The following UNC13C variants were observed in gnomAD, a reference collection of about 807,000 sequenced individuals.
UNC13C encodes the protein unc-13 homolog C, also known as protein unc-13 homolog C.
In UNC13C, 174 loss-of-function variants were observed where a neutral mutation model predicts 245.4. The observed-to-expected ratio is 0.71, with a 90% CI of 0.63 to 0.80. The LOEUF (loss-of-function observed/expected upper bound fraction) is 0.80. Among genes scored for constraint, UNC13C ranks in the 30% least tolerant of loss-of-function variants. UNC13C has a pLI of 0.00. For synonymous variants in UNC13C, 992 were observed against 895.1 expected, an observed-to-expected ratio of 1.11 and a Z score of -1.93; for missense variants, 2,829 against 2,602.9, an observed-to-expected ratio of 1.09 and a Z score of -1.89.
chr15:53,967,888 A>T, the UNC13C span: 1 of 152,064 alleles, frequency 6.6e-6, no homozygotes, highest in Non-Finnish European at 1.5e-5. Flanking sequence ...GTATCTGTAG[A>T]TTCTGTAGTC....
intron 1 of UNC13C, among the ~76,000 whole-genome samples, chr15:53,987,104 T>G (rs1023386232): frequency 1.3e-5 from 2 of 152,058 alleles, no homozygotes; most frequent in Non-Finnish European, 2.9e-5. Context: ...TTCTCTTTAG[T>G]GTTTTCTACA....
chr15:54,281,749 G>C (rs1162971571), intron 10 of UNC13C, among the ~76,000 whole-genome samples: 2 of 152,176 alleles, frequency 1.3e-5, no homozygotes, highest in Admixed American at 6.5e-5. Flanking sequence ...ACAGTATTAT[G>C]AGGTAGGTAT....
At chr15:54,023,146 G>A (rs1394242877) in intron 2 of UNC13C, among the ~76,000 whole-genome samples, 1 of 152,190 alleles carries the variant, frequency 6.6e-6, no homozygotes, top group Non-Finnish European at 1.5e-5. Flanking sequence ...ATAGCTTTGG[G>A]AAGAAGGTAC....
At chr15:54,065,053 C>G (rs1347609815) in intron 2 of UNC13C, among the ~76,000 whole-genome samples, 1 of 152,236 alleles carries the variant, frequency 6.6e-6, no homozygotes, top group East Asian at 1.9e-4. Flanking sequence ...GAGCCAATAT[C>G]TAGATCTCCA....
At chr15:53,858,935 T>C in the UNC13C span, among the ~76,000 whole-genome samples, 1 of 148,636 alleles carries the variant, frequency 6.7e-6, no homozygotes, top group Non-Finnish European at 1.5e-5. Context: ...CATAGATATA[T>C]TTTACTTGAT....
chr15:53,951,379 C>T, the UNC13C span, among the ~76,000 whole-genome samples: 1 of 152,174 alleles, frequency 6.6e-6, no homozygotes, highest in Non-Finnish European at 1.5e-5. Flanking sequence ...AATAATCAAG[C>T]CATTTTTTGG....
intron 18 of UNC13C, among the ~76,000 whole-genome samples, chr15:54,396,964 C>A (rs1380305797): frequency 6.6e-6 from 1 of 150,874 alleles, no homozygotes; most frequent in Non-Finnish European, 1.5e-5. Flanking sequence ...TAGCTTGTAA[C>A]TTTCTTTTCC....
rs747182797 is a variant in UNC13C at position 54,298,772 on chromosome 15, C to A, written c.4104+846C>A. Among the ~76,000 whole-genome samples the A allele has an allele frequency of 3.0e-4, 46 of 152,206 alleles. No individual in the cohort carries two copies. In the Middle Eastern group the frequency reaches 0.01, roughly 34 times the overall value. ...TTTCTCTGATGCAAATGATACTTGT[C>A]TCATATCAAAAAATAGGTGAAGCTG... On this transcript the variant is annotated intron_variant, in intron 12 of 32. Transcript: ENST00000260323.
chr15:54,559,135 T>C (rs1055323350), intron 29 of UNC13C, among the ~76,000 whole-genome samples: 2 of 152,038 alleles, frequency 1.3e-5, no homozygotes, highest in Admixed American at 6.6e-5. Flanking sequence ...ACAATAAACA[T>C]GTGAATCAGG....
At chr15:53,938,730 T>G in the UNC13C span, among the ~76,000 whole-genome samples, 5 of 152,128 alleles carry the variant, frequency 3.3e-5, no homozygotes, top group Admixed American at 1.3e-4. Context: ...TACATGGAAA[T>G]TGAGCAATCT....
chr15:54,242,090 C>T (rs967296262), intron 7 of UNC13C, among the ~76,000 whole-genome samples: 3 of 152,150 alleles, frequency 2.0e-5, no homozygotes, highest in African/African-American at 7.2e-5. Context: ...ATCTACTTTG[C>T]ATCATAAGGT....
intron 26 of UNC13C, among the ~76,000 whole-genome samples, chr15:54,542,718 T>A (rs1275547593): frequency 6.6e-6 from 1 of 152,178 alleles, no homozygotes; most frequent in African/African-American, 2.4e-5. Flanking sequence ...ATTAGTTAGC[T>A]CTTCTTGTTG....
intron 10 of UNC13C, among the ~76,000 whole-genome samples, chr15:54,279,025 G>C (rs145870420): frequency 6.6e-6 from 1 of 152,128 alleles, no homozygotes; most frequent in Non-Finnish European, 1.5e-5. Context: ...TTTTCATTCA[G>C]ATGTTCATAA....
intron 22 of UNC13C, among the ~76,000 whole-genome samples, chr15:54,506,582 A>AT (rs1195698662): frequency 2.0e-5 from 3 of 151,950 alleles, no homozygotes; most frequent in African/African-American, 7.3e-5. Flanking sequence ...TTTCATTGTG[A>AT]TTTTCAAAGT....
chr15:53,937,194 C>A, the UNC13C span, among the ~76,000 whole-genome samples: 2 of 152,154 alleles, frequency 1.3e-5, no homozygotes, highest in Admixed American at 6.5e-5. Flanking sequence ...TCATAACTAA[C>A]CTGATGGAGC....
intron 19 of UNC13C, among the ~76,000 whole-genome samples, chr15:54,476,385 T>G (rs1043315318): frequency 6.6e-6 from 1 of 150,494 alleles, no homozygotes; most frequent in African/African-American, 2.4e-5. Context: ...TCCTTGCCCA[T>G]GCCTATGTCT....
chr15:54,504,724 ACTG>A (rs2141105670), intron 22 of UNC13C, among the ~76,000 whole-genome samples: 1 of 152,314 alleles, frequency 6.6e-6, no homozygotes, highest in African/African-American at 2.4e-5. Context: ...TTGCTCTAAT[ACTG>A]CATTGTTCCA....
chr15:53,997,569 A>G (rs1229229667), intron 1 of UNC13C, among the ~76,000 whole-genome samples: 1 of 152,088 alleles, frequency 6.6e-6, no homozygotes, highest in African/African-American at 2.4e-5. Context: ...AGAATTATCT[A>G]CTTTTCTTGT....
chr15:54,605,236 C>A (rs1179368263), intron 30 of UNC13C, among the ~76,000 whole-genome samples: 1 of 152,186 alleles, frequency 6.6e-6, no homozygotes, highest in Non-Finnish European at 1.5e-5. Context: ...TCAGTCCTAG[C>A]TGGATCAGAC....
Sources: allele counts gnomAD v4.1 joint callset (sites outside exome capture counted in the v4.1 genomes callset), GRCh38; gene constraint gnomAD v4.1.1; transcripts MANE v1.5; gene names NCBI Gene and HGNC (gene_info 2026-07-23, HGNC 2026-07-21).